SETD9: variants seen among roughly 807,000 people sequenced by gnomAD.
SETD9 encodes the protein SET domain containing 9.
Under a neutral mutation model 36.4 loss-of-function variants are expected in SETD9, and 37 were observed. The ratio of observed to expected loss-of-function variants is 1.02; its 90% CI spans 0.78 to 1.34. The LOEUF (loss-of-function observed/expected upper bound fraction) is 1.34. Ranked by LOEUF, SETD9 falls within the 40% of genes most tolerant of loss-of-function variation. SETD9 has a pLI of 0.00. For synonymous variants in SETD9, 128 were observed against 132.9 expected (o/e 0.96, Z 0.26); for missense variants, 323 against 353.2 (o/e 0.91, Z 0.69).
At chr5:56,911,056 C>T in intron 1 of SETD9, 113 bp from the exon 2 acceptor site, 1 of 1,262,692 alleles carries the variant, frequency 7.9e-7, no homozygotes. Context: ...CAGCCCTCCA[C>T]ACACATGAGA....
At position 56,909,706 on chromosome 5, in the gene SETD9, G is replaced by A. The variant is rs1268410228; in HGVS notation, c.61G>A (p.Val21Ile). The change falls in exon 1 of 6, where the codon GTT becomes ATT. Residue 21 changes from valine (V) to isoleucine (I), a missense_variant. Physicochemically the swap from Val to Ile is conservative, Grantham distance 29. Coordinates refer to ENST00000285947, the MANE Select transcript of SETD9 (RefSeq NM_153706.4). The part of the protein sequence containing the change: ...QRWRRYKYRF[V>I]PWIALNLSHN... ...ATGGCGCCGTTACAAGTACCGCTTC[G>A]TTCCCTGGATCGCACTGAACCTAAG... The A allele has an allele frequency of 1.9e-6, 3 of 1,611,330 alleles. No homozygotes were observed. The highest frequency in any genetic ancestry group is 1.7e-6 in the Non-Finnish European group (2 of 1,179,046).
rs750367282 is a variant in SETD9 at position 56,911,458 on chromosome 5, T to A, written c.388T>A (p.Ser130Thr). The A allele has an allele frequency of 6.2e-7, 1 of 1,609,422 alleles. No individual in the cohort carries two copies. Among genetic ancestry groups the A allele is most frequent in the Non-Finnish European group, 8.5e-7 (1 of 1,178,680 alleles). Residue 130 changes from serine (S) to threonine (T), a missense_variant, in exon 2 of 6, where the codon TCA becomes ACA. Physicochemically the swap from Ser to Thr is moderately conservative, Grantham distance 58. Transcript: ENST00000285947. Reference sequence around the variant, plus strand: ...TTTCAGTGTTGCCCAAGCAACTAGCTCATTGATTTCTGCTGGAAAAGGTGT... The same window carrying A: ...TTTCAGTGTTGCCCAAGCAACTAGCACATTGATTTCTGCTGGAAAAGGTGT... ...LGFSVAQATS[S>T]LISAGKGVFV...
At chr5:56,911,632 G>C in intron 2 of SETD9, 96 bp downstream of exon 2, 1 of 1,295,106 alleles carries the variant, frequency 7.7e-7, no homozygotes, top group Non-Finnish European at 1.0e-6. Context: ...CTTAGAGTAA[G>C]GGATTAAATT....
At chr5:56,924,252 G>GT (rs1461131921) in intron 5 of SETD9, among the ~76,000 whole-genome samples, 4 of 150,272 alleles carry the variant, frequency 2.7e-5, no homozygotes, top group African/African-American at 9.7e-5. Context: ...GAAAGCCCAA[G>GT]GTTTTTTTTT....
chr5:56,915,660 ATTAT>A (rs1391735446), intron 5 of SETD9, among the ~76,000 whole-genome samples: 1 of 152,192 alleles, frequency 6.6e-6, no homozygotes, highest in Non-Finnish European at 1.5e-5. Flanking sequence ...AACATGAACT[ATTAT>A]TTATACTTAA....
At chr5:56,917,530 G>C (rs1045430535), downstream of SETD9, among the ~76,000 whole-genome samples, 1 of 152,176 alleles carries the variant, frequency 6.6e-6, no homozygotes, top group Non-Finnish European at 1.5e-5. Flanking sequence ...TTCATGTGGA[G>C]GGCTTCCACT....
At chr5:56,925,260 G>A in intron 5 of SETD9, 3 of 433,306 alleles carry the variant, frequency 6.9e-6, no homozygotes, top group Non-Finnish European at 1.4e-5. Context: ...TCTAGCTAAT[G>A]CAGTAAGACA....
downstream of SETD9, chr5:56,921,754 A>C (rs1471990764): frequency 1.3e-5 from 2 of 152,658 alleles, no homozygotes; most frequent in Non-Finnish European, 2.9e-5. Context: ...AGTAAAAATC[A>C]AGAATTTTAA....
At chr5:56,917,651 C>T (rs921263507), downstream of SETD9, among the ~76,000 whole-genome samples, 7 of 152,158 alleles carry the variant, frequency 4.6e-5, no homozygotes, top group African/African-American at 1.7e-4. Context: ...AGTTCCTTCC[C>T]TGTGGACTCT....
intron 5 of SETD9, 29 bp from the exon 6 acceptor site, chr5:56,916,786 C>A: frequency 6.3e-7 from 1 of 1,593,444 alleles, no homozygotes; most frequent in Non-Finnish European, 8.5e-7. Context: ...TGTTAATGCT[C>A]TACCTTTTGT....
At chr5:56,927,050 A>C (rs1159277243), downstream of SETD9, among the ~76,000 whole-genome samples, 1 of 152,198 alleles carries the variant, frequency 6.6e-6, no homozygotes, top group Non-Finnish European at 1.5e-5. Context: ...CAGTACAGAC[A>C]ATAAAAAGAT....
chr5:56,918,032 C>G (rs1561223678), downstream of SETD9, among the ~76,000 whole-genome samples: 1 of 152,138 alleles, frequency 6.6e-6, no homozygotes. Flanking sequence ...CACTCCTGTC[C>G]CCCTTACAGA....
chr5:56,928,734 A>G (rs765717092), downstream of SETD9: 25 of 1,441,212 alleles, frequency 1.7e-5, no homozygotes, highest in Admixed American at 7.7e-5. Flanking sequence ...CACTGTAACT[A>G]GTAATTTATC....
At chr5:56,926,329 T>A (rs1172319895), downstream of SETD9, among the ~76,000 whole-genome samples, 1 of 151,910 alleles carries the variant, frequency 6.6e-6, no homozygotes, top group Non-Finnish European at 1.5e-5. Context: ...GAAGAAAATA[T>A]TTGCAAAACA....
In SETD9 at chr5:56,917,168, T is replaced by C; in HGVS notation, c.*266T>C. 1 of 1,120,798 alleles carries C rather than the reference T, an allele frequency of 8.9e-7. No individual in the cohort carries two copies. The highest frequency in any genetic ancestry group is 1.1e-6 in the Non-Finnish European group (1 of 917,692). The allele number at this position is 1,120,798 out of a possible 1,614,324, so 69.4% of individuals were successfully genotyped here. ...CACAATAGCTTATTAAATTAAAACC[T>C]ACTCTTTGAACTTATAATTTCAATT... On this transcript the variant is annotated 3_prime_UTR_variant, in exon 6 of 6. Coordinates refer to ENST00000285947, the MANE Select transcript of SETD9 (RefSeq NM_153706.4).
In SETD9 at chr5:56,911,397, C is replaced by T; in HGVS notation, c.327C>T (p.Thr109=). The T allele has an allele frequency of 6.2e-7, 1 of 1,613,764 alleles. No homozygotes were observed. The highest frequency in any genetic ancestry group is 1.3e-5 in the African/African-American group (1 of 75,016). The change falls in exon 2 of 6, where the codon ACC becomes ACT. Residue 109 remains threonine, a synonymous_variant. Coordinates refer to ENST00000285947, the MANE Select transcript of SETD9 (RefSeq NM_153706.4). ...AAAACAGACATCAACAGCAAAGTAC[C>T]TTTAAACCAGAAGAAATTCTTTACA... ...LLENRHQQQS[T]FKPEEILYKT...
At chr5:56,918,335 C>T (rs146864767), downstream of SETD9, among the ~76,000 whole-genome samples, 160 of 152,302 alleles carry the variant, frequency 1.1e-3, 1 homozygote, top group Non-Finnish European at 1.8e-3. Context: ...TCTCTCCCTT[C>T]CTGTCACCTC....
In SETD9 at chr5:56,916,651, C is replaced by A. The variant is rs180955679; in HGVS notation, c.813-164C>A. On this transcript the variant is annotated intron_variant, in intron 5 of 5. Coordinates refer to ENST00000285947, the MANE Select transcript of SETD9 (RefSeq NM_153706.4). ...TGATATAGATATACTCTTTAGAATA[C>A]CTGCATCAGGAATAAGAACTATTTC... Among the ~76,000 whole-genome samples the A allele has an allele frequency of 6.3e-3, 953 of 152,140 alleles. 6 individuals carry two copies. The highest frequency in any genetic ancestry group is 0.021 in the African/African-American group (879 of 41,494).
At chr5:56,910,975 A>C in intron 1 of SETD9, 194 bp from the exon 2 acceptor site, 1 of 471,202 alleles carries the variant, frequency 2.1e-6, no homozygotes, top group South Asian at 3.8e-5. Context: ...AGTACTGACT[A>C]CTTGGGTGGG....
Sources: allele counts gnomAD v4.1 joint callset (sites outside exome capture counted in the v4.1 genomes callset), GRCh38; gene constraint gnomAD v4.1.1; transcripts MANE v1.5; gene names NCBI Gene and HGNC (gene_info 2026-07-23, HGNC 2026-07-21).